The following PTPRN2 variants were observed in gnomAD, a reference collection of about 807,000 sequenced individuals.
PTPRN2 encodes the protein receptor-type tyrosine-protein phosphatase N2.
A neutral mutation model predicts 118.8 loss-of-function variants in PTPRN2; 74 were observed. The ratio of observed to expected loss-of-function variants is 0.62; its 90% CI spans 0.52 to 0.76. PTPRN2 has a LOEUF of 0.76. Ranked by LOEUF, PTPRN2 falls within the 30% of genes least tolerant of loss-of-function variation. The pLI is 0.00. For missense variants in PTPRN2, 1,481 were observed against 1,394.4 expected (o/e 1.06, Z -0.99); for synonymous variants, 641 against 608.0 (o/e 1.05, Z -0.80).
Position 157,598,903 on chromosome 7 carries a change from C to T in PTPRN2, c.2419-3588G>A, listed in dbSNP as rs1329434760. 2.0e-5 allele frequency among the ~76,000 whole-genome samples: 3 copies of T among 152,186 alleles called. No homozygotes were observed. The highest frequency in any genetic ancestry group is 2.1e-4 in the South Asian group (1 of 4,820). On this transcript the variant is annotated intron_variant, in intron 16 of 22. Coordinates refer to ENST00000389418, the MANE Select transcript of PTPRN2 (RefSeq NM_002847.5). This position sits in a 1 kb window ranked among gnomAD's most constrained non-coding sequence, Gnocchi z 5.2. ...CAGGGGCTTCTGCAGCAACACATCCCGCCTAGAGAGGCCGGTACCACAGAG... is the reference window on the plus strand; with the variant it reads ...CAGGGGCTTCTGCAGCAACACATCCTGCCTAGAGAGGCCGGTACCACAGAG...
At chr7:157,914,587 C>T (rs1459801207) in intron 11 of PTPRN2, among the ~76,000 whole-genome samples, 2 of 150,632 alleles carry the variant, frequency 1.3e-5, no homozygotes, top group Non-Finnish European at 2.9e-5. Flanking sequence ...AAAGTTGGCT[C>T]TCAATGTAGC....
chr7:157,870,952 T>C (rs1325942047), intron 12 of PTPRN2, among the ~76,000 whole-genome samples: 2 of 152,182 alleles, frequency 1.3e-5, no homozygotes, highest in South Asian at 2.1e-4. Flanking sequence ...TTATTGGGCG[T>C]TCGATGTTGG....
At chr7:158,367,459 G>A (rs1301289193) in intron 2 of PTPRN2, among the ~76,000 whole-genome samples, 2 of 152,204 alleles carry the variant, frequency 1.3e-5, no homozygotes, top group Non-Finnish European at 2.9e-5. Context: ...TGGGCAGGAG[G>A]ACGCAGTGGT....
intron 2 of PTPRN2, among the ~76,000 whole-genome samples, chr7:158,345,082 A>T (rs993703665): frequency 1.3e-5 from 2 of 152,190 alleles, no homozygotes; most frequent in South Asian, 2.1e-4. Flanking sequence ...CCAGTGCTCC[A>T]TCTCTGAGGG....
At chr7:157,896,159 G>C (rs1431274385) in intron 12 of PTPRN2, among the ~76,000 whole-genome samples, 1 of 151,030 alleles carries the variant, frequency 6.6e-6, no homozygotes, top group Non-Finnish European at 1.5e-5. Context: ...GTGCCCAGCG[G>C]AGGACAGGAG....
Position 158,127,294 on chromosome 7 carries a change from C to CCTGCG in PTPRN2, c.1556+6382_1556+6383insCGCAG, listed in dbSNP as rs1425737979. Among the ~76,000 whole-genome samples the CCTGCG allele has an allele frequency of 9.5e-3, 1,424 of 150,016 alleles. 22 individuals carry two copies. Among genetic ancestry groups the CCTGCG allele is most frequent in the African/African-American group, 0.033 (1,332 of 40,130 alleles). ...CATCCGTGCACCTGTGCCCTGCGTCCTCCTCTGCGTGCACCCTGCGTCCTC... is the reference window on the plus strand; with the variant it reads ...CATCCGTGCACCTGTGCCCTGCGTCCCTGCGTCCTCTGCGTGCACCCTGCGTCCTC... On this transcript the variant is annotated intron_variant, in intron 9 of 22. Coordinates refer to ENST00000389418, the MANE Select transcript of PTPRN2 (RefSeq NM_002847.5).
At chr7:157,916,810 C>T (rs896562681) in intron 11 of PTPRN2, among the ~76,000 whole-genome samples, 3 of 145,526 alleles carry the variant, frequency 2.1e-5, no homozygotes, top group Admixed American at 6.8e-5. Flanking sequence ...GCTGAAGGTC[C>T]CCACCATGGC....
rs141422778 is a variant in PTPRN2, at chr7:158,444,111, C to G, written c.163+45624G>C. 6.8e-4 allele frequency among the ~76,000 whole-genome samples: 103 copies of G among 152,346 alleles called. 1 individual carries two copies. In the East Asian group the frequency reaches 0.011, roughly 17 times the overall value. ...GGGAGGGGGCCTGTGGGCACTGCCA[C>G]TCACCCCTCCAACAGGCAGGGAGAC... On this transcript the variant is annotated intron_variant, in intron 2 of 22. Transcript: ENST00000389418.
chr7:158,570,723 G>A lies in PTPRN2; in HGVS notation c.112+16835C>T, dbSNP rs1827979190. Among the ~76,000 whole-genome samples, 1 of 152,180 alleles carries A rather than the reference G, an allele frequency of 6.6e-6. No homozygotes were observed. The highest frequency in any genetic ancestry group is 2.4e-5 in the African/African-American group (1 of 41,424). On this transcript the variant is annotated intron_variant, in intron 1 of 22. Coordinates refer to ENST00000389418, the MANE Select transcript of PTPRN2 (RefSeq NM_002847.5). The surrounding 1 kb of genome is among the most constrained non-coding windows in gnomAD (Gnocchi z 4.5). ...ACGGTTTGCAACGCCGAGAGCCCGCGGAGAAGCTTGAGCCTGTGAGCCCCC... is the reference window on the plus strand; with the variant it reads ...ACGGTTTGCAACGCCGAGAGCCCGCAGAGAAGCTTGAGCCTGTGAGCCCCC...
chr7:157,692,936 C>T (rs1797585842), intron 12 of PTPRN2, among the ~76,000 whole-genome samples: 1 of 152,076 alleles, frequency 6.6e-6, no homozygotes, highest in African/African-American at 2.4e-5. Flanking sequence ...GGGACCTTCT[C>T]GGGCAAAGAG....
At chr7:157,755,681 C>T (rs574062800) in intron 12 of PTPRN2, among the ~76,000 whole-genome samples, 6 of 152,048 alleles carry the variant, frequency 3.9e-5, no homozygotes, top group African/African-American at 1.4e-4. Context: ...CACTGGGTAC[C>T]CATGGACACA....
At chr7:158,462,128 G>A (rs1002548723) in intron 2 of PTPRN2, among the ~76,000 whole-genome samples, 2 of 58,864 alleles carry the variant, frequency 3.4e-5, no homozygotes, top group Non-Finnish European at 7.3e-5. Flanking sequence ...CCCTCTCTGG[G>A]ACCATCTTGC....
In PTPRN2 at chr7:157,615,063, G is replaced by A. The variant is rs1198229088; in HGVS notation, c.2344+6299C>T. On this transcript the variant is annotated intron_variant, in intron 15 of 22. Transcript: ENST00000389418. The surrounding 1 kb of genome is among the most constrained non-coding windows in gnomAD (Gnocchi z 4.3). The stretch of plus-strand genomic sequence containing the variant: ...TGCAGGCAGGCTAAAGTATTTGGAC[G>A]TCATGACGCCTGATACTTACTTGAA... 3.3e-5 allele frequency among the ~76,000 whole-genome samples: 5 copies of A among 152,234 alleles called. No homozygotes were observed. Among genetic ancestry groups the A allele is most frequent in the African/African-American group, 1.2e-4 (5 of 41,448 alleles).
intron 2 of PTPRN2, among the ~76,000 whole-genome samples, chr7:158,406,321 G>A (rs1813428168): frequency 7.9e-6 from 1 of 126,390 alleles, no homozygotes; most frequent in Admixed American, 7.6e-5. Context: ...GCTGCACACT[G>A]AGATCCCGGT....
Position 158,110,952 on chromosome 7 carries a change from A to G in PTPRN2, c.1557-37T>C, listed in dbSNP as rs375853934. On this transcript the variant is annotated intron_variant, in intron 9 of 22. Coordinates refer to ENST00000389418, the MANE Select transcript of PTPRN2 (RefSeq NM_002847.5). ...AGCAGGGATGGGGAGCAGTCACCAC[A>G]GAGCCAGCAGTCCTGGAGAACTAAA... 2.2e-4 allele frequency: 339 copies of G among 1,509,534 alleles called. 1 individual carries two copies. The highest frequency in any genetic ancestry group is 2.9e-4 in the Non-Finnish European group (324 of 1,120,796). The allele number at this position is 1,509,534 out of a possible 1,614,324, so 93.5% of individuals were successfully genotyped here. A position where few individuals can be genotyped will look rare whatever the true frequency, so the allele number is the denominator to read the frequency against.
At chr7:158,147,956 C>T (rs1820364859) in intron 6 of PTPRN2, among the ~76,000 whole-genome samples, 1 of 113,306 alleles carries the variant, frequency 8.8e-6, no homozygotes, top group African/African-American at 3.9e-5. Context: ...CACCCCATCT[C>T]ACGCCAGGTG....
intron 11 of PTPRN2, among the ~76,000 whole-genome samples, chr7:157,928,496 G>T (rs1488993497): frequency 6.6e-6 from 1 of 152,070 alleles, no homozygotes; most frequent in Non-Finnish European, 1.5e-5. Flanking sequence ...GCCTCAACTG[G>T]CTCCCCCAGG....
At chr7:158,396,424 G>A (rs1242335638) in intron 2 of PTPRN2, among the ~76,000 whole-genome samples, 2 of 151,936 alleles carry the variant, frequency 1.3e-5, no homozygotes. Flanking sequence ...ACATGTGCAC[G>A]TGTGTGTGCA....
chr7:157,582,346 G>A (rs1435890618), intron 17 of PTPRN2, among the ~76,000 whole-genome samples: 1 of 152,196 alleles, frequency 6.6e-6, no homozygotes, highest in Non-Finnish European at 1.5e-5. Flanking sequence ...CAAGGGATCT[G>A]AGCACACATT....
Sources: gnomAD v4.1 joint callset for allele counts (sites outside exome capture counted in the v4.1 genomes callset) on GRCh38, gnomAD v4.1.1 for gene constraint, Gnocchi (gnomAD v3.1) non-coding constraint, MANE v1.5 for transcripts, NCBI Gene and HGNC (gene_info 2026-07-23, HGNC 2026-07-21) for gene names.